UBXN7: variants seen among roughly 807,000 people sequenced by gnomAD.
UBXN7 encodes the protein UBX domain protein 7.
In UBXN7, 9 loss-of-function variants were observed where a neutral mutation model predicts 58.0. That is an observed-to-expected ratio of 0.16 (90% CI 0.09 to 0.27). The LOEUF (loss-of-function observed/expected upper bound fraction) is 0.27. Ranked by LOEUF, UBXN7 falls within the 10% of genes least tolerant of loss-of-function variation. The pLI is 1.00. For synonymous variants in UBXN7, 208 were observed against 205.0 expected (o/e 1.01, Z -0.12); for missense variants, 328 against 599.6 (o/e 0.55, Z 4.73).
chr3:196,393,600 A>G lies in UBXN7; in HGVS notation c.309T>C (p.Pro103=), dbSNP rs570794476. The stretch of plus-strand genomic sequence containing the variant: ...GGAAACCATCAAAAATTGAACGTGC[A>G]GGCCGTCGTCTTTTAGGAGCTTTGG... The part of the protein sequence containing the change: ...PLFGAPKRRR[P]ARSIFDGFRD... Residue 103 remains proline, a synonymous_variant, in exon 4 of 11, where the codon CCT becomes CCC. Coordinates refer to ENST00000296328, the MANE Select transcript of UBXN7 (RefSeq NM_015562.2). 3 of 1,612,748 alleles carry G rather than the reference A, an allele frequency of 1.9e-6. No homozygotes were observed. The highest frequency in any genetic ancestry group is 1.3e-5 in the African/African-American group (1 of 75,040).
intron 10 of UBXN7, 34 bp from the exon 11 acceptor site, chr3:196,356,880 C>T (rs370507054): frequency 3.8e-6 from 6 of 1,585,324 alleles, no homozygotes; most frequent in South Asian, 1.2e-5. Flanking sequence ...AGCCATTAGA[C>T]GGAAAAAGAG....
intron 1 of UBXN7, among the ~76,000 whole-genome samples, chr3:196,426,411 G>T (rs550630062): frequency 1.5e-4 from 23 of 148,538 alleles, no homozygotes; most frequent in African/African-American, 5.2e-4. Flanking sequence ...AAGAAATTCT[G>T]AAATGTATTC....
chr3:196,373,462 A>G (rs1728900954), intron 5 of UBXN7, among the ~76,000 whole-genome samples: 1 of 152,232 alleles, frequency 6.6e-6, no homozygotes, highest in African/African-American at 2.4e-5. Context: ...TTTGCCTAGG[A>G]AAGAACAGTG....
rs1469305006 is a variant in UBXN7 at position 196,401,024 on chromosome 3, AC to A, written c.289+1927del. 2.0e-5 allele frequency among the ~76,000 whole-genome samples: 3 copies of A among 151,780 alleles called. No homozygotes were observed. In the South Asian group the frequency reaches 6.2e-4, roughly 32 times the overall value. On this transcript the variant is annotated intron_variant, in intron 3 of 10. Transcript: ENST00000296328. ...CACTTCATTACACTACAGTATTCAG[AC>A]TTTACAGCTTTCCTCTTGCCTTTTA... is the stretch of plus-strand genomic sequence containing the variant.
intron 5 of UBXN7, among the ~76,000 whole-genome samples, chr3:196,376,407 G>A (rs1028070549): frequency 2.0e-5 from 3 of 151,634 alleles, no homozygotes; most frequent in South Asian, 2.1e-4. Flanking sequence ...TTAGCCAGGC[G>A]TGGTGGTGTG....
chr3:196,370,459 T>TA (rs1232100228), intron 6 of UBXN7, among the ~76,000 whole-genome samples: 72 of 131,598 alleles, frequency 5.5e-4, no homozygotes, highest in South Asian at 2.4e-3. Flanking sequence ...TCCATTTATT[T>TA]AAAAAAAAAA....
chr3:196,425,182 T>C (rs543115432), intron 1 of UBXN7, among the ~76,000 whole-genome samples: 47 of 152,236 alleles, frequency 3.1e-4, no homozygotes, highest in African/African-American at 9.9e-4. Flanking sequence ...CCTTCATAAA[T>C]AGCACTGTTA....
In UBXN7 at chr3:196,393,633, A is replaced by G; in HGVS notation, c.290-14T>C. On this transcript the variant is annotated splice_polypyrimidine_tract_variant and intron_variant, in intron 3 of 10. Transcript: ENST00000296328. ...GTCTTTTAGGAGCTTTGGGGAGAAAAAATAGAATTGAAAATTTTTTAAATT... is the reference window on the plus strand; with the variant it reads ...GTCTTTTAGGAGCTTTGGGGAGAAAGAATAGAATTGAAAATTTTTTAAATT... The G allele has an allele frequency of 6.3e-7, 1 of 1,599,414 alleles. No individual in the cohort carries two copies. The highest frequency in any genetic ancestry group is 1.1e-5 in the South Asian group (1 of 87,964).
At chr3:196,381,830 C>T (rs1220871526) in intron 5 of UBXN7, among the ~76,000 whole-genome samples, 1 of 152,202 alleles carries the variant, frequency 6.6e-6, no homozygotes. Flanking sequence ...AGCACGAGAA[C>T]TTCGTGACGC....
At chr3:196,359,180 C>T (rs1728436819) in intron 10 of UBXN7, among the ~76,000 whole-genome samples, 1 of 152,162 alleles carries the variant, frequency 6.6e-6, no homozygotes, top group African/African-American at 2.4e-5. Context: ...GTAATGCTTG[C>T]AGTTCATTAT....
At chr3:196,421,312 G>A (rs1730675889) in intron 1 of UBXN7, among the ~76,000 whole-genome samples, 1 of 152,138 alleles carries the variant, frequency 6.6e-6, no homozygotes, top group Non-Finnish European at 1.5e-5. Context: ...CCATCACCTA[G>A]GCCAGTACTA....
intron 4 of UBXN7, among the ~76,000 whole-genome samples, chr3:196,392,432 G>C (rs1729614987): frequency 6.6e-6 from 1 of 152,016 alleles, no homozygotes; most frequent in South Asian, 2.1e-4. Flanking sequence ...CTGAACCCTG[G>C]AGGCAGAGGT....
chr3:196,401,768 TAAA>T (rs1204342911), intron 3 of UBXN7, among the ~76,000 whole-genome samples: 1 of 117,512 alleles, frequency 8.5e-6, no homozygotes. Context: ...ATCTCTATTT[TAAA>T]AAAAAAAAAA....
At chr3:196,428,819 G>C (rs541914907) in intron 1 of UBXN7, among the ~76,000 whole-genome samples, 1 of 137,458 alleles carries the variant, frequency 7.3e-6, no homozygotes, top group Non-Finnish European at 1.6e-5. Context: ...GACCCAGTCC[G>C]TCTCAAAAAA....
At chr3:196,414,966 A>G (rs1730436053) in intron 1 of UBXN7, among the ~76,000 whole-genome samples, 2 of 152,172 alleles carry the variant, frequency 1.3e-5, no homozygotes, top group African/African-American at 4.8e-5. Context: ...AAAAGTTCTA[A>G]TATCCCCACA....
At chr3:196,394,497 G>A (rs1729707409) in intron 3 of UBXN7, among the ~76,000 whole-genome samples, 2 of 151,350 alleles carry the variant, frequency 1.3e-5, no homozygotes, top group Non-Finnish European at 2.9e-5. Flanking sequence ...TAGCTACTTG[G>A]GAAGCTGAGG....
chr3:196,384,343 G>A (rs1188473401), intron 5 of UBXN7, among the ~76,000 whole-genome samples: 9 of 152,230 alleles, frequency 5.9e-5, no homozygotes, highest in African/African-American at 1.7e-4. Context: ...AGGACCAGAC[G>A]GATTCACAGC....
chr3:196,431,951 G>A (rs1247761019), intron 1 of UBXN7: 1 of 423,244 alleles, frequency 2.4e-6, no homozygotes, highest in Non-Finnish European at 4.5e-6. Flanking sequence ...GGGCTGCACA[G>A]AGAAGGGAAG....
intron 1 of UBXN7, among the ~76,000 whole-genome samples, chr3:196,427,072 A>C (rs1229564156): frequency 6.6e-6 from 1 of 152,012 alleles, no homozygotes; most frequent in Non-Finnish European, 1.5e-5. Flanking sequence ...CTTAGCCTCC[A>C]CTTTCTATGC....
Sources: gnomAD v4.1 joint callset for allele counts (sites outside exome capture counted in the v4.1 genomes callset) on GRCh38, gnomAD v4.1.1 for gene constraint, MANE v1.5 for transcripts, NCBI Gene and HGNC (gene_info 2026-07-23, HGNC 2026-07-21) for gene names.